Variants in PRORP observed in about 807,000 individuals in gnomAD.
The protein encoded by PRORP is mitochondrial ribonuclease P catalytic subunit.
In PRORP, 51 loss-of-function variants were observed where a neutral mutation model predicts 59.4. That is an observed-to-expected ratio of 0.86 (90% CI 0.69 to 1.08). The LOEUF is 1.08. PRORP is among the 50% of genes least tolerant of loss of function. The probability of loss-of-function intolerance (pLI) is 0.00; values close to 1 mark genes in which losing one functional copy is unlikely to be tolerated. For synonymous variants in PRORP, 231 were observed against 245.6 expected (o/e 0.94, Z 0.55); for missense variants, 646 against 690.3 (o/e 0.94, Z 0.72).
intron 5 of PRORP, among the ~76,000 whole-genome samples, chr14:35,234,676 C>CTTTTTT (rs398056986): frequency 7.7e-6 from 1 of 130,136 alleles, no homozygotes; most frequent in Non-Finnish European, 1.6e-5. Flanking sequence ...ACTGTTGTTC[C>CTTTTTT]TTTTTTTTTT....
chr14:35,228,882 C>T (rs2138482876), intron 5 of PRORP, among the ~76,000 whole-genome samples: 1 of 152,316 alleles, frequency 6.6e-6, no homozygotes, highest in East Asian at 1.9e-4. Context: ...AAACTGCTTT[C>T]CATGGTGACT....
intron 5 of PRORP, among the ~76,000 whole-genome samples, chr14:35,187,631 T>C (rs544749699): frequency 1.3e-5 from 2 of 151,934 alleles, no homozygotes; most frequent in East Asian, 2.0e-4. Flanking sequence ...GTTTTCGCCA[T>C]GTTGGCCAGG....
chr14:35,158,497 G>A (rs2047976493), intron 4 of PRORP: 1 of 253,334 alleles, frequency 3.9e-6, no homozygotes, highest in African/African-American at 2.3e-5. Context: ...TTCTTCACCT[G>A]TTTCTGGAAA....
chr14:35,220,661 C>T (rs1295226741), intron 5 of PRORP, among the ~76,000 whole-genome samples: 1 of 152,196 alleles, frequency 6.6e-6, no homozygotes, highest in African/African-American at 2.4e-5. Flanking sequence ...GATAGCCATT[C>T]AGATGAAGAC....
intron 4 of PRORP, among the ~76,000 whole-genome samples, chr14:35,166,356 T>C (rs2048184162): frequency 6.6e-6 from 1 of 152,096 alleles, no homozygotes; most frequent in Admixed American, 6.5e-5. Context: ...TCTTTCTTCA[T>C]AGATGCAACC....
intron 5 of PRORP, among the ~76,000 whole-genome samples, chr14:35,259,993 G>GTTTGTTTTTTTTTTT (rs2050859328): frequency 1.2e-5 from 1 of 81,308 alleles, no homozygotes; most frequent in African/African-American, 4.6e-5. Context: ...GGTTTTTCGG[G>GTTTGTTTTTTTTTTT]TTTTTTTTTT....
At chr14:35,156,199 T>A (rs2047909575) in intron 4 of PRORP, among the ~76,000 whole-genome samples, 1 of 152,194 alleles carries the variant, frequency 6.6e-6, no homozygotes, top group Admixed American at 6.6e-5. Context: ...AGAGCCTATG[T>A]CCCCAACAGT....
At chr14:35,133,554 G>T (rs955038773) in intron 4 of PRORP, among the ~76,000 whole-genome samples, 1 of 152,062 alleles carries the variant, frequency 6.6e-6, no homozygotes, top group East Asian at 1.9e-4. Context: ...TTTCCTGGAT[G>T]GTCTTGATAC....
At chr14:35,142,063 G>A (rs1393310056) in intron 4 of PRORP, among the ~76,000 whole-genome samples, 1 of 144,962 alleles carries the variant, frequency 6.9e-6, no homozygotes, top group Non-Finnish European at 1.5e-5. Context: ...ATTTTTAGTG[G>A]AGACAGGGTT....
intron 5 of PRORP, among the ~76,000 whole-genome samples, chr14:35,236,382 C>T (rs1474406188): frequency 6.6e-6 from 1 of 152,132 alleles, no homozygotes; most frequent in Non-Finnish European, 1.5e-5. Flanking sequence ...GCTCTAGTTT[C>T]TGTCCTCCTC....
intron 6 of PRORP, among the ~76,000 whole-genome samples, chr14:35,268,816 G>A (rs541322478): frequency 1.4e-3 from 215 of 152,202 alleles, no homozygotes; most frequent in Middle Eastern, 3.4e-3. Context: ...GGCTGGTCTC[G>A]AACTCCTGAC....
rs1452143889 is a variant in PRORP at position 35,240,088 on chromosome 14, AAAG to A, written c.1276-26630_1276-26628del. On this transcript the variant is annotated intron_variant, in intron 5 of 7. Coordinates refer to ENST00000534898, the MANE Select transcript of PRORP (RefSeq NM_014672.4). ...AGACTCCATCTCAAAAAAAAAAAAA[AAAG>A]AAGAAGAAATTAGAAAAGATGTTGA... 5.3e-5 allele frequency among the ~76,000 whole-genome samples: 8 copies of A among 151,854 alleles called. No individual in the cohort carries two copies. The East Asian group carries it at 7.8e-4, about 15-fold the overall frequency.
chr14:35,178,109 A>G (rs566722447), intron 4 of PRORP, among the ~76,000 whole-genome samples: 1 of 152,254 alleles, frequency 6.6e-6, no homozygotes, highest in Non-Finnish European at 1.5e-5. Flanking sequence ...TCTGAGAGAC[A>G]GTTTGTTATA....
intron 4 of PRORP, among the ~76,000 whole-genome samples, chr14:35,150,735 G>A (rs1477353789): frequency 6.6e-6 from 1 of 152,116 alleles, no homozygotes; most frequent in East Asian, 1.9e-4. Flanking sequence ...ATTATGTGTG[G>A]CTATGGGTGT....
chr14:35,129,208 C>T (rs935678914), intron 4 of PRORP, among the ~76,000 whole-genome samples: 9 of 146,442 alleles, frequency 6.1e-5, no homozygotes, highest in African/African-American at 2.2e-4. Context: ...AACTCCATCT[C>T]AAAAAAAAAA....
chr14:35,246,104 T>C (rs973689480), intron 5 of PRORP, among the ~76,000 whole-genome samples: 3 of 152,206 alleles, frequency 2.0e-5, no homozygotes, highest in African/African-American at 7.2e-5. Context: ...TATGATCTGC[T>C]TTATTCTCTC....
chr14:35,186,966 C>T (rs2048758012), intron 5 of PRORP, among the ~76,000 whole-genome samples: 1 of 152,102 alleles, frequency 6.6e-6, no homozygotes, highest in South Asian at 2.1e-4. Flanking sequence ...AAAGTTCATC[C>T]ATTTTGTAGC....
chr14:35,155,171 G>A (rs1440404452), intron 4 of PRORP, among the ~76,000 whole-genome samples: 2 of 152,142 alleles, frequency 1.3e-5, no homozygotes, highest in African/African-American at 4.8e-5. Context: ...GGGATTACAG[G>A]CGTGAGCCAC....
At chr14:35,195,418 A>T (rs967520366) in intron 5 of PRORP, among the ~76,000 whole-genome samples, 7 of 152,172 alleles carry the variant, frequency 4.6e-5, no homozygotes, top group Non-Finnish European at 7.4e-5. Flanking sequence ...AATATACAGG[A>T]TGATCCCATT....
Sources: allele counts gnomAD v4.1 joint callset (sites outside exome capture counted in the v4.1 genomes callset), GRCh38; gene constraint gnomAD v4.1.1; transcripts MANE v1.5; gene names NCBI Gene and HGNC (gene_info 2026-07-23, HGNC 2026-07-21).